Variants in FNIP2 observed in about 807,000 individuals in gnomAD.
FNIP2 encodes folliculin interacting protein 2, also known as folliculin-interacting protein 2.
In FNIP2, 32 loss-of-function variants were observed where a neutral mutation model predicts 108.7. The observed-to-expected ratio is 0.29, with a 90% confidence interval of 0.22 to 0.40. FNIP2 has a LOEUF of 0.40. Among genes scored for constraint, FNIP2 ranks in the 10% least tolerant of loss-of-function variants. The pLI is 1.00. For missense variants in FNIP2, 1,202 were observed against 1,381.6 expected (o/e 0.87, Z 2.06); for synonymous variants, 480 against 496.7 (o/e 0.97, Z 0.45).
intron 1 of FNIP2, among the ~76,000 whole-genome samples, chr4:158,787,793 A>G (rs1423805325): frequency 2.0e-5 from 3 of 152,116 alleles, no homozygotes; most frequent in African/African-American, 7.2e-5. Flanking sequence ...AACTCTGAAA[A>G]TCAAGTCCAG....
At chr4:158,881,372 C>A (rs1241566440) in intron 14 of FNIP2, among the ~76,000 whole-genome samples, 1 of 145,962 alleles carries the variant, frequency 6.9e-6, no homozygotes, top group Non-Finnish European at 1.5e-5. Flanking sequence ...CCCTCTCTTT[C>A]CACGGTCTCC....
In FNIP2 at chr4:158,785,516, A is replaced by G. The variant is rs114539641; in HGVS notation, c.107+16197A>G. On this transcript the variant is annotated intron_variant, in intron 1 of 16. Transcript: ENST00000264433. ...TCTTTAATTTTAAATTTAATAAGAG[A>G]TGAGGTCTTGCTATATTGACCAGGC... Among the ~76,000 whole-genome samples, 1,215 of 152,188 alleles carry G rather than the reference A, an allele frequency of 8.0e-3. 15 individuals are homozygous for G. Among genetic ancestry groups the G allele is most frequent in the African/African-American group, 0.028 (1,153 of 41,514 alleles).
chr4:158,775,364 G>A (rs1163575680), intron 1 of FNIP2, among the ~76,000 whole-genome samples: 1 of 152,134 alleles, frequency 6.6e-6, no homozygotes, highest in African/African-American at 2.4e-5. Flanking sequence ...GAAATATTTG[G>A]TGAGTTCCTA....
intron 1 of FNIP2, among the ~76,000 whole-genome samples, chr4:158,780,753 C>T (rs891040546): frequency 7.2e-5 from 11 of 152,208 alleles, no homozygotes; most frequent in African/African-American, 2.7e-4. Context: ...TGAAGTGTAG[C>T]TGAGTGCGGT....
intron 9 of FNIP2, 101 bp from the exon 10 acceptor site, chr4:158,859,477 G>C: frequency 9.0e-7 from 1 of 1,110,066 alleles, no homozygotes; most frequent in Non-Finnish European, 1.3e-6. Context: ...ATTACCTTGA[G>C]TGTTGTTAAT....
chr4:158,836,516 A>G (rs938278286), intron 7 of FNIP2: 1 of 151,984 alleles, frequency 6.6e-6, no homozygotes, highest in African/African-American at 2.4e-5. Context: ...ACTCTCATTG[A>G]TCAGGCCGAG....
chr4:158,797,847 T>C (rs1029487180), intron 1 of FNIP2, among the ~76,000 whole-genome samples: 1 of 152,150 alleles, frequency 6.6e-6, no homozygotes, highest in African/African-American at 2.4e-5. Flanking sequence ...AGAAAACTTC[T>C]TGCCCAGCCT....
At chr4:158,900,300 A>C (rs1463682107) in intron 16 of FNIP2, among the ~76,000 whole-genome samples, 1 of 152,202 alleles carries the variant, frequency 6.6e-6, no homozygotes, top group Admixed American at 6.5e-5. Flanking sequence ...TGAGGTGCTG[A>C]GAAGAATGTA....
intron 12 of FNIP2, among the ~76,000 whole-genome samples, chr4:158,866,664 C>T (rs1780601455): frequency 6.6e-6 from 1 of 152,056 alleles, no homozygotes; most frequent in African/African-American, 2.4e-5. Context: ...CAATGTCTGC[C>T]TCCCGGGTTC....
At chr4:158,848,244 G>A (rs1779513406) in intron 7 of FNIP2, among the ~76,000 whole-genome samples, 2 of 152,316 alleles carry the variant, frequency 1.3e-5, no homozygotes, top group Middle Eastern at 3.4e-3. Flanking sequence ...GTGGTCACAG[G>A]GATGTTTGTT....
rs766821262 is a variant in FNIP2, at chr4:158,868,526, C to T, written c.1890C>T (p.Ser630=). The T allele has an allele frequency of 4.0e-5, 65 of 1,613,734 alleles. No individual in the cohort carries two copies. The highest frequency in any genetic ancestry group is 5.1e-5 in the Non-Finnish European group (60 of 1,179,848). ...RRPEQGSEAC[S]AGCLGPASDA... is the part of the protein sequence containing the mutation. ...CAGAGCAGGGTTCTGAGGCTTGCAG[C>T]GCAGGGTGCCTGGGGCCAGCATCAG... The change falls in exon 13 of 17, where the codon AGC becomes AGT. Residue 630 remains serine, a synonymous_variant. Transcript: ENST00000264433. The surrounding 1 kb of genome is among the most constrained non-coding windows in gnomAD (Gnocchi z 4.6).
Position 158,851,303 on chromosome 4 carries a change from T to C in FNIP2, c.728-18T>C. ...GACTAATTGACCTCAACTTTCAAAT[T>C]CCAAATTCTTCCTACAGCCTCACTA... is the stretch of plus-strand genomic sequence containing the variant. On this transcript the variant is annotated intron_variant, in intron 7 of 16. Transcript: ENST00000264433. 6.2e-7 allele frequency: 1 copy of C among 1,613,696 alleles called. No individual in the cohort carries two copies.
chr4:158,904,637 G>T lies in FNIP2; in HGVS notation c.*93G>T. On this transcript the variant is annotated 3_prime_UTR_variant, in exon 17 of 17. Coordinates refer to ENST00000264433, the MANE Select transcript of FNIP2 (RefSeq NM_020840.3). ...AAGCTCTCTGTGATGTCAAAAGCAT[G>T]AGAAGAGCAAACAGAAACAGTCATT... 1 of 1,116,962 alleles carries T rather than the reference G, an allele frequency of 9.0e-7. No homozygotes were observed. Among genetic ancestry groups the T allele is most frequent in the South Asian group, 1.3e-5 (1 of 76,870 alleles). 69.2% of individuals were successfully genotyped at this position (1,116,962 alleles called of 1,614,324 possible).
chr4:158,817,773 T>C (rs1709592773), intron 1 of FNIP2, among the ~76,000 whole-genome samples: 1 of 152,136 alleles, frequency 6.6e-6, no homozygotes, highest in Non-Finnish European at 1.5e-5. Flanking sequence ...GTCTCAGACT[T>C]CTGGCCTCTG....
At chr4:158,770,732 C>T (rs1775669793) in intron 1 of FNIP2, among the ~76,000 whole-genome samples, 1 of 152,136 alleles carries the variant, frequency 6.6e-6, no homozygotes, top group Non-Finnish European at 1.5e-5. Context: ...GGTAGAATTA[C>T]TTCGGACCTA....
At chr4:158,851,551 C>A (rs951657379) in intron 8 of FNIP2, 101 bp downstream of exon 8, 34 of 1,435,556 alleles carry the variant, frequency 2.4e-5, no homozygotes, top group East Asian at 4.6e-5. Flanking sequence ...GGAAAAAAAA[C>A]CAAAACTTTT....
intron 1 of FNIP2, among the ~76,000 whole-genome samples, chr4:158,823,997 C>T (rs1212082276): frequency 1.3e-5 from 2 of 152,136 alleles, no homozygotes; most frequent in East Asian, 1.9e-4. Flanking sequence ...AAGGTACAAC[C>T]AGAACTTTAT....
At position 158,861,394 on chromosome 4, in the gene FNIP2, C is replaced by G; in HGVS notation, c.1201C>G (p.Leu401Val). The G allele has an allele frequency of 6.2e-7, 1 of 1,613,998 alleles. No homozygotes were observed. The highest frequency in any genetic ancestry group is 8.5e-7 in the Non-Finnish European group (1 of 1,179,894). ...TCCAAGGATAGCTGAACCTGTATGG[C>G]TTACTATGATGTCCGGCACTTTGGA... ...SVPRIAEPVW[L>V]TMMSGTLEKN... The change falls in exon 11 of 17, where the codon CTT becomes GTT. Residue 401 changes from leucine to valine, a missense_variant. By Grantham distance (32) the Leu-to-Val change is conservative. Around this residue, in one of 5 missense-constraint regions of FNIP2, gnomAD observed 878 missense variants for 990.3 expected, o/e 0.89. Coordinates refer to ENST00000264433, the MANE Select transcript of FNIP2 (RefSeq NM_020840.3).
At chr4:158,858,511 A>G (rs1780111983) in intron 8 of FNIP2, among the ~76,000 whole-genome samples, 1 of 152,194 alleles carries the variant, frequency 6.6e-6, no homozygotes, top group African/African-American at 2.4e-5. Flanking sequence ...CTGTAGCAGA[A>G]GAGAGGTAAG....
Sources: gnomAD v4.1 joint callset for allele counts (sites outside exome capture counted in the v4.1 genomes callset) on GRCh38, gnomAD v4.1.1 for gene constraint, gnomAD v4.1.1 regional missense constraint, Gnocchi (gnomAD v3.1) non-coding constraint, MANE v1.5 for transcripts, NCBI Gene and HGNC (gene_info 2026-07-23, HGNC 2026-07-21) for gene names.